The following PDE4D variants were observed in gnomAD, a reference collection of about 807,000 sequenced individuals.
The protein encoded by PDE4D is phosphodiesterase 4D.
Under a neutral mutation model 87.4 loss-of-function variants are expected in PDE4D, and 24 were observed. The observed-to-expected ratio is 0.27, with a 90% confidence interval of 0.20 to 0.39. The LOEUF is 0.39. Ranked by LOEUF, PDE4D falls within the 10% of genes least tolerant of loss-of-function variation. The pLI is 1.00. For synonymous variants in PDE4D, 384 were observed against 383.2 expected, an observed-to-expected ratio of 1.00 and a Z score of -0.02; for missense variants, 714 against 1,041.0, an observed-to-expected ratio of 0.69 and a Z score of 4.32.
At chr5:60,097,217 C>A (rs1582634839) in intron 2 of PDE4D, among the ~76,000 whole-genome samples, 1 of 147,394 alleles carries the variant, frequency 6.8e-6, no homozygotes, top group South Asian at 2.2e-4. Context: ...AAAATGAGTG[C>A]TTTGCATTGG....
At chr5:59,780,240 C>T (rs1329269314) in intron 1 of PDE4D, among the ~76,000 whole-genome samples, 4 of 152,138 alleles carry the variant, frequency 2.6e-5, no homozygotes, top group Non-Finnish European at 5.9e-5. Flanking sequence ...GTGGCAGGCA[C>T]CTGTAATCCT....
At chr5:60,498,586 G>C (rs1749927629) in intron 1 of PDE4D, among the ~76,000 whole-genome samples, 1 of 152,214 alleles carries the variant, frequency 6.6e-6, no homozygotes, top group South Asian at 2.1e-4. Flanking sequence ...TGGGCAGAGG[G>C]CTTCAGGGAC....
At position 60,025,551 on chromosome 5, in the gene PDE4D, T is replaced by C. The variant is rs150479188; in HGVS notation, c.43-36834A>G. ...AGCATGTAAAATGATTTAGTAAAGCTAGAAAATTTTACAATATACCATATT... is the reference window on the plus strand; with the variant it reads ...AGCATGTAAAATGATTTAGTAAAGCCAGAAAATTTTACAATATACCATATT... On this transcript the variant is annotated intron_variant, in intron 2 of 16. Coordinates refer to the PDE4D transcript ENST00000502484. Among the ~76,000 whole-genome samples the C allele has an allele frequency of 6.6e-3, 1,011 of 152,266 alleles. 11 individuals carry two copies. The highest frequency in any genetic ancestry group is 9.0e-3 in the Non-Finnish European group (609 of 68,008).
chr5:59,578,482 C>G (rs759759379), intron 1 of PDE4D, among the ~76,000 whole-genome samples: 2 of 152,184 alleles, frequency 1.3e-5, no homozygotes, highest in African/African-American at 2.4e-5. Context: ...TGACATAATA[C>G]TTTGTGTAAA....
intron 1 of PDE4D, among the ~76,000 whole-genome samples, chr5:59,422,603 AAAAG>A (rs1461290525): frequency 6.6e-6 from 1 of 152,234 alleles, no homozygotes; most frequent in African/African-American, 2.4e-5. Context: ...TGAAAAACTA[AAAAG>A]AAAGTTCCAA....
intron 1 of PDE4D, among the ~76,000 whole-genome samples, chr5:59,605,723 C>CA (rs1485224166): frequency 3.3e-5 from 5 of 152,044 alleles, no homozygotes; most frequent in Non-Finnish European, 7.4e-5. Flanking sequence ...GACCATGCTC[C>CA]TGATATTATC....
At chr5:59,266,711 C>T (rs1477951182) in intron 1 of PDE4D, among the ~76,000 whole-genome samples, 1 of 151,942 alleles carries the variant, frequency 6.6e-6, no homozygotes, top group East Asian at 1.9e-4. Flanking sequence ...TCTTGATATA[C>T]ATAAGATTAA....
intron 1 of PDE4D, among the ~76,000 whole-genome samples, chr5:59,308,746 A>G (rs1459024316): frequency 2.6e-5 from 4 of 152,176 alleles, no homozygotes; most frequent in East Asian, 3.9e-4. Flanking sequence ...GTCTCCTGCC[A>G]GGAGGTGTTG....
intron 11 of PDE4D, among the ~76,000 whole-genome samples, chr5:58,984,120 T>C (rs1336637170): frequency 6.6e-6 from 1 of 152,208 alleles, no homozygotes; most frequent in Non-Finnish European, 1.5e-5. Flanking sequence ...TGTCTCTAAG[T>C]TACAACTGAA....
intron 1 of PDE4D, among the ~76,000 whole-genome samples, chr5:59,823,474 G>A (rs534813856): frequency 6.6e-6 from 1 of 152,216 alleles, no homozygotes; most frequent in South Asian, 2.1e-4. Flanking sequence ...GAGAGGAGTC[G>A]ACCAGCTTGG....
intron 1 of PDE4D, among the ~76,000 whole-genome samples, chr5:59,423,957 T>C (rs750522427): frequency 2.0e-4 from 31 of 151,806 alleles, no homozygotes; most frequent in Middle Eastern, 6.8e-3. Context: ...AAGTTAGCGG[T>C]TTTCAGGCAA....
chr5:60,246,416 A>G (rs1747787753), intron 1 of PDE4D, among the ~76,000 whole-genome samples: 2 of 151,772 alleles, frequency 1.3e-5, no homozygotes, highest in Non-Finnish European at 2.9e-5. Context: ...TAGAAGGCCT[A>G]TGAAACATAT....
At chr5:59,074,470 C>T (rs116260111) in intron 5 of PDE4D, among the ~76,000 whole-genome samples, 135 of 152,090 alleles carry the variant, frequency 8.9e-4, no homozygotes, top group African/African-American at 3.1e-3. Context: ...TTTTAGAAAG[C>T]GTCTAGGCCA....
intron 1 of PDE4D, among the ~76,000 whole-genome samples, chr5:60,278,760 GA>G (rs1472418954): frequency 6.6e-6 from 1 of 151,700 alleles, no homozygotes; most frequent in Non-Finnish European, 1.5e-5. Context: ...TTTCTTTGCT[GA>G]GGGCTTCTCT....
intron 1 of PDE4D, among the ~76,000 whole-genome samples, chr5:60,278,613 G>A (rs1250205382): frequency 6.6e-6 from 1 of 151,364 alleles, no homozygotes; most frequent in African/African-American, 2.4e-5. Flanking sequence ...TTTTTCTGTT[G>A]TTTAGGCTAG....
At chr5:59,216,350 C>T (rs1751260616) in intron 1 of PDE4D, among the ~76,000 whole-genome samples, 1 of 152,162 alleles carries the variant, frequency 6.6e-6, no homozygotes, top group Admixed American at 6.5e-5. Context: ...GTGCCTAATG[C>T]TGTTCTCCCA....
intron 1 of PDE4D, among the ~76,000 whole-genome samples, chr5:60,250,834 C>T (rs1158862447): frequency 2.0e-5 from 3 of 151,870 alleles, no homozygotes; most frequent in Non-Finnish European, 4.4e-5. Context: ...CTCAGGTAGG[C>T]ATATCAAGAG....
chr5:59,191,334 G>A (rs1744244745), intron 3 of PDE4D, among the ~76,000 whole-genome samples: 11 of 151,726 alleles, frequency 7.2e-5, no homozygotes, highest in Admixed American at 6.6e-4. Flanking sequence ...AATATTACTT[G>A]ATGTAAAAGA....
chr5:59,083,237 G>T (rs1179690838), intron 5 of PDE4D, among the ~76,000 whole-genome samples: 1 of 151,676 alleles, frequency 6.6e-6, no homozygotes, highest in African/African-American at 2.4e-5. Context: ...ACCTTTGAAA[G>T]ATCCTTTTTT....
Sources: allele counts gnomAD v4.1 joint callset (sites outside exome capture counted in the v4.1 genomes callset), GRCh38; gene constraint gnomAD v4.1.1; transcripts MANE v1.5; gene names NCBI Gene and HGNC (gene_info 2026-07-23, HGNC 2026-07-21).